The following WWP2 variants were observed in gnomAD, a reference collection of about 807,000 sequenced individuals.
WWP2 encodes the protein WW domain containing E3 ubiquitin protein ligase 2, also known as NEDD4-like E3 ubiquitin-protein ligase WWP2.
In WWP2, 57 loss-of-function variants were observed where a neutral mutation model predicts 121.0. The observed-to-expected ratio is 0.47, with a 90% CI of 0.38 to 0.59. WWP2 has a LOEUF of 0.59. Ranked by LOEUF, WWP2 falls within the 20% of genes least tolerant of loss-of-function variation. The pLI, the probability that WWP2 is intolerant of heterozygous loss-of-function variation, is 0.00. For missense variants in WWP2, 962 were observed against 1,158.9 expected (o/e 0.83, Z 2.47); for synonymous variants, 449 against 441.3 (o/e 1.02, Z -0.22).
chr16:69,836,906 A>T (rs1386201957), intron 4 of WWP2, among the ~76,000 whole-genome samples: 1 of 152,112 alleles, frequency 6.6e-6, no homozygotes, highest in Admixed American at 6.6e-5. Flanking sequence ...GATTACAGGC[A>T]TGAGCCACCA....
chr16:69,768,776 T>C (rs923694958), intron 1 of WWP2, among the ~76,000 whole-genome samples: 1 of 152,208 alleles, frequency 6.6e-6, no homozygotes, highest in Non-Finnish European at 1.5e-5. Flanking sequence ...CCACGGGGCT[T>C]CCAATAGTGT....
chr16:69,796,399 G>A (rs901909317), intron 2 of WWP2, among the ~76,000 whole-genome samples: 4 of 152,174 alleles, frequency 2.6e-5, no homozygotes, highest in African/African-American at 4.8e-5. Context: ...ATGTGCTCAG[G>A]ACACTTCGAT....
intron 6 of WWP2, among the ~76,000 whole-genome samples, chr16:69,848,637 T>TAAAA (rs529487746): frequency 8.7e-4 from 71 of 81,762 alleles, no homozygotes; most frequent in Admixed American, 1.4e-3. Flanking sequence ...ATGCTGTTGC[T>TAAAA]AAAAAAAAAA....
In WWP2 at chr16:69,941,656, T is replaced by G. The variant is rs939722638; in HGVS notation, c.*1716T>G. 6.5e-6 allele frequency: 1 copy of G among 153,788 alleles called. No individual in the cohort carries two copies. The highest frequency in any genetic ancestry group is 2.4e-5 in the African/African-American group (1 of 41,454). 9.5% of individuals were successfully genotyped at this position (153,788 alleles called of 1,614,324 possible). ...TGTACGGAATGCCCTTTGCTAGCCATGGGCTGGTCACCAGATTGTTTTGTA... is the reference window on the plus strand; with the variant it reads ...TGTACGGAATGCCCTTTGCTAGCCAGGGGCTGGTCACCAGATTGTTTTGTA... On this transcript the variant is annotated 3_prime_UTR_variant, in exon 24 of 24. Transcript: ENST00000359154.
intron 4 of WWP2, chr16:69,838,849 A>G: frequency 1.0e-6 from 1 of 985,474 alleles, no homozygotes; most frequent in Non-Finnish European, 1.2e-6. Context: ...AGAGAGATTA[A>G]GGGAAGGTAG....
At chr16:69,808,039 C>T (rs550517793) in intron 4 of WWP2, among the ~76,000 whole-genome samples, 54 of 152,320 alleles carry the variant, frequency 3.5e-4, no homozygotes, top group Non-Finnish European at 5.4e-4. Flanking sequence ...TCATCACCCA[C>T]ATCAAGACAT....
intron 4 of WWP2, among the ~76,000 whole-genome samples, chr16:69,834,179 T>C (rs368825667): frequency 1.9e-4 from 29 of 152,346 alleles, no homozygotes; most frequent in African/African-American, 6.5e-4. Flanking sequence ...TCCCAAGGCC[T>C]GACTGGGAGG....
intron 6 of WWP2, among the ~76,000 whole-genome samples, chr16:69,861,452 CG>C (rs2057419037): frequency 6.6e-6 from 1 of 152,076 alleles, no homozygotes; most frequent in African/African-American, 2.4e-5. Context: ...GTTTGTCTTC[CG>C]GAAGTCTTTC....
intron 6 of WWP2, among the ~76,000 whole-genome samples, chr16:69,869,107 C>T (rs986114343): frequency 1.4e-4 from 22 of 152,228 alleles, no homozygotes; most frequent in African/African-American, 3.4e-4. Flanking sequence ...AGGCTGGTCT[C>T]GAACTCCTGA....
chr16:69,888,144 C>T lies in WWP2; in HGVS notation c.809C>T (p.Thr270Ile), dbSNP rs2057958522. ...AGTGTGACCCCGAATCCCAACACGA[C>T]TTCTCTCCCTGCCCCAGCCACACCG... ...PLSVTPNPNT[T>I]SLPAPATPAE... is the part of the protein sequence containing the mutation. The change falls in exon 8 of 24, where the codon ACT (threonine) becomes ATT (isoleucine). Residue 270 changes from threonine (T) to isoleucine (I), a missense_variant. Transcript: ENST00000359154. 1 of 1,614,230 alleles carries T rather than the reference C, an allele frequency of 6.2e-7. No homozygotes were observed. The highest frequency in any genetic ancestry group is 1.7e-5 in the Admixed American group (1 of 60,030).
At chr16:69,778,115 A>G (rs951560082) in intron 1 of WWP2, among the ~76,000 whole-genome samples, 1 of 148,276 alleles carries the variant, frequency 6.7e-6, no homozygotes, top group Non-Finnish European at 1.5e-5. Flanking sequence ...ACATGTATAT[A>G]CATACACATA....
At chr16:69,931,299 G>A in intron 14 of WWP2, 72 bp downstream of exon 14, 2 of 1,576,918 alleles carry the variant, frequency 1.3e-6, no homozygotes, top group Non-Finnish European at 1.7e-6. Flanking sequence ...TCCCGGCACA[G>A]CAGCAGGTAT....
intron 7 of WWP2, among the ~76,000 whole-genome samples, chr16:69,883,056 G>A (rs1203733449): frequency 2.0e-5 from 3 of 152,024 alleles, no homozygotes; most frequent in South Asian, 4.2e-4. Context: ...GGGAGGCTGA[G>A]GCAGGAGGAT....
At chr16:69,868,394 G>A (rs868749284) in intron 6 of WWP2, among the ~76,000 whole-genome samples, 5 of 152,164 alleles carry the variant, frequency 3.3e-5, no homozygotes, top group Non-Finnish European at 5.9e-5. Context: ...GGGAGTAATG[G>A]GACCCACCCT....
intron 6 of WWP2, among the ~76,000 whole-genome samples, chr16:69,862,607 G>C (rs1198007978): frequency 6.6e-6 from 1 of 151,928 alleles, no homozygotes; most frequent in African/African-American, 2.4e-5. Context: ...ATACCAGTGG[G>C]CCTGAATCTG....
chr16:69,789,595 C>A (rs1250607817), intron 2 of WWP2, among the ~76,000 whole-genome samples: 1 of 152,150 alleles, frequency 6.6e-6, no homozygotes, highest in African/African-American at 2.4e-5. Context: ...AGTATTGTTT[C>A]TTGTGTGTCT....
At chr16:69,770,613 A>G (rs921157934) in intron 1 of WWP2, among the ~76,000 whole-genome samples, 1 of 152,114 alleles carries the variant, frequency 6.6e-6, no homozygotes, top group Non-Finnish European at 1.5e-5. Context: ...AATCCTAAGA[A>G]CCTCGATTTA....
At chr16:69,922,483 C>T (rs2151978604) in intron 10 of WWP2, among the ~76,000 whole-genome samples, 2 of 152,340 alleles carry the variant, frequency 1.3e-5, no homozygotes, top group Middle Eastern at 3.4e-3. Flanking sequence ...GAGGATTCCA[C>T]AGTGTTCTTT....
rs897850624 is a variant in WWP2 at position 69,789,552 on chromosome 16, G to T, written c.70+2472G>T. Among the ~76,000 whole-genome samples, 20 of 152,152 alleles carry T rather than the reference G, an allele frequency of 1.3e-4. 1 individual carries two copies. The highest frequency in any genetic ancestry group is 4.8e-4 in the African/African-American group (20 of 41,520). On this transcript the variant is annotated intron_variant, in intron 2 of 23. Transcript: ENST00000359154. ...CTCCTATAGTTCAAAATTCTTTCCT[G>T]CAGTCCTTCAGTGCTCCTCCTTGGA...
Sources: gnomAD v4.1 joint callset for allele counts (sites outside exome capture counted in the v4.1 genomes callset) on GRCh38, gnomAD v4.1.1 for gene constraint, MANE v1.5 for transcripts, NCBI Gene and HGNC (gene_info 2026-07-23, HGNC 2026-07-21) for gene names.